Variants in RBFOX1 observed in about 807,000 individuals in gnomAD.
RBFOX1 encodes RNA binding fox-1 homolog 1, also known as RNA binding protein fox-1 homolog 1.
In RBFOX1, 8 loss-of-function variants were observed where a neutral mutation model predicts 57.7. That is an observed-to-expected ratio of 0.14 (90% CI 0.08 to 0.25). The LOEUF is 0.25. Among genes scored for constraint, RBFOX1 ranks in the 10% least tolerant of loss-of-function variants. RBFOX1 has a pLI of 1.00. For missense variants in RBFOX1, 611 were observed against 548.5 expected, an observed-to-expected ratio of 1.11 and a Z score of -1.14; for synonymous variants, 326 against 222.4, an observed-to-expected ratio of 1.47 and a Z score of -4.15.
chr16:7,415,454 A>G (rs1174022525), intron 4 of RBFOX1, among the ~76,000 whole-genome samples: 2 of 152,166 alleles, frequency 1.3e-5, no homozygotes, highest in Admixed American at 1.3e-4. Context: ...TTTCCCAGCA[A>G]TGAGTAACGG....
At position 6,209,483 on chromosome 16, in the gene RBFOX1, C is replaced by T. The variant is rs147698534; in HGVS notation, c.-126-107512C>T. Among the ~76,000 whole-genome samples, 8 of 152,318 alleles carry T rather than the reference C, an allele frequency of 5.3e-5. No individual in the cohort carries two copies. In the East Asian group the frequency reaches 5.8e-4, roughly 11 times the overall value. ...GCTTAATGCCGTCTCATCTAATACA[C>T]GTAACCTCTCCGGTATCAGGGGCCA... On this transcript the variant is annotated intron_variant, in intron 1 of 15. Transcript: ENST00000550418.
At chr16:5,868,659 A>T (rs1221514944) in intron 4 of RBFOX1, among the ~76,000 whole-genome samples, 3 of 152,308 alleles carry the variant, frequency 2.0e-5, no homozygotes, top group Non-Finnish European at 2.9e-5. Context: ...GTGATTTCAG[A>T]TGCCTAGTGA....
intron 4 of RBFOX1, among the ~76,000 whole-genome samples, chr16:7,222,770 C>G (rs796225334): frequency 5.9e-5 from 9 of 152,294 alleles, no homozygotes; most frequent in African/African-American, 2.2e-4. Context: ...AAGTGGTAAG[C>G]AGGAACCAGT....
At chr16:6,572,979 G>A (rs980617024) in intron 2 of RBFOX1, among the ~76,000 whole-genome samples, 1 of 152,090 alleles carries the variant, frequency 6.6e-6, no homozygotes, top group East Asian at 1.9e-4. Flanking sequence ...TTCCCTCGGG[G>A]ACCTTGAACT....
chr16:6,999,618 A>G (rs1019342198), intron 3 of RBFOX1, among the ~76,000 whole-genome samples: 16 of 152,110 alleles, frequency 1.1e-4, no homozygotes, highest in African/African-American at 3.9e-4. Context: ...ATATGTGGCC[A>G]AACTTGTTTT....
Position 7,713,298 on chromosome 16 carries a change from G to T in RBFOX1, c.*2553G>T, listed in dbSNP as rs777767137. ...CAGTGGTTTGTGAATAAAGAAAACT[G>T]GTTTGTAATATCAAAAAAATAAAAG... On this transcript the variant is annotated 3_prime_UTR_variant, in exon 16 of 16. Coordinates refer to ENST00000550418, the MANE Select transcript of RBFOX1 (RefSeq NM_018723.4). 2.0e-5 allele frequency: 3 copies of T among 152,120 alleles called. No individual in the cohort carries two copies. The highest frequency in any genetic ancestry group is 4.4e-5 in the Non-Finnish European group (3 of 68,020). 9.4% of individuals were successfully genotyped at this position (152,120 alleles called of 1,614,324 possible). A position where few individuals can be genotyped will look rare whatever the true frequency, so the allele number is the denominator to read the frequency against.
At chr16:6,518,321 C>T (rs9932588) in intron 2 of RBFOX1, among the ~76,000 whole-genome samples, 17,555 of 152,112 alleles carry the variant, frequency 0.12, 2,613 homozygotes, top group African/African-American at 0.35. Context: ...TTGCAAGATA[C>T]GTGATCCAGG....
At chr16:6,114,416 G>T (rs551585487) in intron 1 of RBFOX1, among the ~76,000 whole-genome samples, 2 of 152,198 alleles carry the variant, frequency 1.3e-5, no homozygotes, top group Non-Finnish European at 2.9e-5. Flanking sequence ...ATTCTAGCAT[G>T]AGCATCACCT....
rs4035897 is a variant in RBFOX1 at position 7,127,010 on chromosome 16, C to CA, written c.27+74931dup. ...GGCGTGACAGAGCGAGAATCCGTCT[C>CA]AAAAAAAAAAAAAAAAAAATTATTG... is the stretch of plus-strand genomic sequence containing the variant. On this transcript the variant is annotated intron_variant, in intron 4 of 15. Transcript: ENST00000550418. Among the ~76,000 whole-genome samples the CA allele has an allele frequency of 5.7e-3, 738 of 129,172 alleles. 5 individuals carry two copies. The highest frequency in any genetic ancestry group is 0.012 in the African/African-American group (397 of 34,280). The allele number at this position is 129,172 out of a possible 152,430, so 84.7% of individuals were successfully genotyped here. A position where few individuals can be genotyped will look rare whatever the true frequency, so the allele number is the denominator to read the frequency against.
rs182164182 is a variant in RBFOX1, at chr16:5,727,569, C to T, written c.318+128608C>T. Among the ~76,000 whole-genome samples, 75 of 152,254 alleles carry T rather than the reference C, an allele frequency of 4.9e-4. 1 individual carries two copies. The highest frequency in any genetic ancestry group is 9.3e-4 in the Non-Finnish European group (63 of 68,020). On this transcript the variant is annotated intron_variant, in intron 3 of 19. Transcript: ENST00000641259. Reference sequence around the variant, plus strand: ...ATGTAGAGTCACCATGATGTATATCCGGTCTCCAGAACTTACTTATCTTTT... The same window carrying T: ...ATGTAGAGTCACCATGATGTATATCTGGTCTCCAGAACTTACTTATCTTTT...
chr16:7,466,474 C>CA (rs1277935333), intron 4 of RBFOX1, among the ~76,000 whole-genome samples: 3 of 152,102 alleles, frequency 2.0e-5, no homozygotes, highest in African/African-American at 7.2e-5. Context: ...TTTAAAAAGT[C>CA]ACCCCAGGTC....
At chr16:7,660,765 C>T (rs771809986) in intron 12 of RBFOX1, among the ~76,000 whole-genome samples, 1 of 152,172 alleles carries the variant, frequency 6.6e-6, no homozygotes, top group Non-Finnish European at 1.5e-5. Flanking sequence ...TCAATCAGAA[C>T]CTGTTGGCTG....
chr16:5,368,272 C>T (rs1051828373), intron 1 of RBFOX1, among the ~76,000 whole-genome samples: 3 of 152,138 alleles, frequency 2.0e-5, no homozygotes, highest in Non-Finnish European at 2.9e-5. Flanking sequence ...TTTACGCTTG[C>T]GACTGCATTT....
chr16:7,059,064 T>A (rs559335886), intron 4 of RBFOX1, among the ~76,000 whole-genome samples: 3 of 152,312 alleles, frequency 2.0e-5, no homozygotes, highest in African/African-American at 7.2e-5. Context: ...ATGAGAGTGA[T>A]GTGGATTGCA....
intron 4 of RBFOX1, among the ~76,000 whole-genome samples, chr16:7,444,342 T>C (rs114292416): frequency 2.0e-3 from 304 of 152,272 alleles, no homozygotes; most frequent in African/African-American, 6.9e-3. Flanking sequence ...AAGATATACC[T>C]ATTCAGAAGT....
chr16:7,119,193 A>G (rs2066564922), intron 4 of RBFOX1, among the ~76,000 whole-genome samples: 1 of 152,116 alleles, frequency 6.6e-6, no homozygotes, highest in Non-Finnish European at 1.5e-5. Context: ...CAGAAATCCC[A>G]CCCACAAGCA....
At chr16:5,364,778 A>AG (rs35578949) in intron 1 of RBFOX1, among the ~76,000 whole-genome samples, 55,920 of 151,912 alleles carry the variant, frequency 0.37, 10,479 homozygotes, top group African/African-American at 0.38. Context: ...CCTGTGAGGC[A>AG]GGTGCTGCTT....
chr16:6,298,796 A>G (rs1237080239), intron 1 of RBFOX1, among the ~76,000 whole-genome samples: 13 of 152,182 alleles, frequency 8.5e-5, no homozygotes, highest in Admixed American at 7.9e-4. Context: ...TATTTGTTGG[A>G]TGCAAGTGCA....
intron 2 of RBFOX1, among the ~76,000 whole-genome samples, chr16:6,636,248 G>C (rs1012743498): frequency 6.6e-6 from 1 of 152,144 alleles, no homozygotes; most frequent in East Asian, 1.9e-4. Context: ...TCGGCTCACT[G>C]CAAGCTCTGC....
Sources: gnomAD v4.1 joint callset for allele counts (sites outside exome capture counted in the v4.1 genomes callset) on GRCh38, gnomAD v4.1.1 for gene constraint, MANE v1.5 for transcripts, NCBI Gene and HGNC (gene_info 2026-07-23, HGNC 2026-07-21) for gene names.